PAGE1: variants seen among roughly 807,000 people sequenced by gnomAD.
PAGE1 encodes the protein PAGE family member 1, also known as P antigen family member 1.
Under a neutral mutation model 11.5 loss-of-function variants are expected in PAGE1, and 6 were observed. The ratio of observed to expected loss-of-function variants is 0.52; its 90% CI spans 0.29 to 1.03. PAGE1 has a LOEUF of 1.03. PAGE1 is among the 50% of genes least tolerant of loss of function. The pLI is 0.09. For synonymous variants in PAGE1, 42 were observed against 40.2 expected, an observed-to-expected ratio of 1.05 and a Z score of -0.17; for missense variants, 120 against 110.2, an observed-to-expected ratio of 1.09 and a Z score of -0.40.
At chrX:49,687,602 A>C (rs1299651011) in intron 5 of PAGE1, 39 bp from the exon 6 acceptor site, 1 of 1,166,244 alleles carries the variant, frequency 8.6e-7, no homozygotes, top group Non-Finnish European at 1.2e-6. Flanking sequence ...ATGATTTAGC[A>C]GCAGATTATT....
intron 4 of PAGE1, among the ~76,000 whole-genome samples, chrX:49,690,069 ACATATATATGTGTATATATGTG>A (rs2066912566): frequency 2.8e-5 from 2 of 71,054 alleles, no homozygotes; most frequent in African/African-American, 1.1e-4. Context: ...GTATATACAC[ACATATATATGTGTATATATGTG>A]TATATATGTG....
rs2066919397 is a variant in PAGE1 at position 49,691,267 on chromosome X, T to A, written c.274A>T (p.Met92Leu). 8.3e-7 allele frequency: 1 copy of A among 1,210,985 alleles called. No individual in the cohort carries two copies. Among genetic ancestry groups the A allele is most frequent in the Non-Finnish European group, 1.1e-6 (1 of 894,912 alleles). The change falls in exon 4 of 6, where the codon ATG (methionine) becomes TTG (leucine). Residue 92 changes from methionine to leucine, a missense_variant. Transcript: ENST00000376150. ...KRVCLRNEEQ[M>L]KLPAEGPEPE... ...TACCTACCTTCTGCGGGCAGTTTCA[T>A]CTGCTCTTCATTTCGCAGGCACACC...
rs781833593 is a variant in PAGE1, at chrX:49,692,783, A to ATTATTTATTTATTTATTTATTTAT, written c.166+1315_166+1316insATAAATAAATAAATAAATAAATAA. On this transcript the variant is annotated intron_variant, in intron 3 of 5. Coordinates refer to ENST00000376150, the MANE Select transcript of PAGE1 (RefSeq NM_003785.4). ...TGTTTTCCTATATAACGAAACATTT[A>ATTATTTATTTATTTATTTATTTAT]TTATTTATTTATTTATTTATTTGCG... Among the ~76,000 whole-genome samples the ATTATTTATTTATTTATTTATTTAT allele has an allele frequency of 1.7e-4, 19 of 109,638 alleles. No individual in the cohort carries two copies. In the South Asian group the frequency reaches 4.6e-3, roughly 27 times the overall value.
intron 1 of PAGE1, among the ~76,000 whole-genome samples, chrX:49,695,258 G>C (rs1474875287): frequency 1.8e-5 from 2 of 112,297 alleles, no homozygotes; most frequent in Non-Finnish European, 3.8e-5. Context: ...TGCTGCTTTT[G>C]GCACACTCCC....
At position 49,687,583 on chromosome X, in the gene PAGE1, G is replaced by A. The variant is rs1371148699; in HGVS notation, c.419-20C>T. On this transcript the variant is annotated intron_variant, in intron 5 of 5. Coordinates refer to ENST00000376150, the MANE Select transcript of PAGE1 (RefSeq NM_003785.4). ...CTTCATCTGTAACAGAAACATAACT[G>A]TTAGGAAGATGATTTAGCAGCAGAT... is the stretch of plus-strand genomic sequence containing the variant. 3.4e-6 allele frequency: 4 copies of A among 1,185,933 alleles called. No individual in the cohort carries two copies. The highest frequency in any genetic ancestry group is 1.8e-5 in the South Asian group (1 of 54,253).
chrX:49,694,757 C>T lies in PAGE1; in HGVS notation c.14G>A (p.Arg5Lys). 8.4e-7 allele frequency: 1 copy of T among 1,184,974 alleles called. No homozygotes were observed. The highest frequency in any genetic ancestry group is 3.0e-5 in the East Asian group (1 of 33,667). ...TGGTCTACGCCGATAGATTAATCTT[C>T]TTAGAAAACCCATATTTCACACTGA... The part of the protein sequence containing the change: MGFL[R>K]RLIYRRRPMI... Residue 5 changes from arginine (R) to lysine (K), a missense_variant, in exon 2 of 6, where the codon AGA becomes AAA. Transcript: ENST00000376150.
rs373848244 is a variant in PAGE1 at position 49,694,118 on chromosome X, C to T, written c.147G>A (p.Glu49=). ...CTTCACCTTGAGCTGCAGATGCTCC[C>T]TCATCCTCTCTCTCTTCAGCAGGTG... ...DSTPAEERED[E]GASAAQGQEP... The change falls in exon 3 of 6, where the codon GAG becomes GAA. Residue 49 remains glutamate, a synonymous_variant. Coordinates refer to ENST00000376150, the MANE Select transcript of PAGE1 (RefSeq NM_003785.4). The T allele has an allele frequency of 5.9e-6, 7 of 1,190,652 alleles. No individual in the cohort carries two copies. The highest frequency in any genetic ancestry group is 6.0e-5 in the East Asian group (2 of 33,509).
chrX:49,694,319 A>G (rs2066932833), intron 2 of PAGE1, 118 bp from the exon 3 acceptor site: 2 of 441,822 alleles, frequency 4.5e-6, no homozygotes, highest in Non-Finnish European at 7.9e-6. Flanking sequence ...GATCATAACT[A>G]AACCTAAAAA....
chrX:49,690,101 GTATATATACACA>G (rs1446576068), intron 4 of PAGE1, among the ~76,000 whole-genome samples: 2 of 64,533 alleles, frequency 3.1e-5, no homozygotes, highest in Non-Finnish European at 5.3e-5. Context: ...GTATATATGT[GTATATATACACA>G]TATATATGTG....
At position 49,689,826 on chromosome X, in the gene PAGE1, G is replaced by A. The variant is rs782057932; in HGVS notation, c.293-283C>T. On this transcript the variant is annotated intron_variant, in intron 4 of 5. Coordinates refer to ENST00000376150, the MANE Select transcript of PAGE1 (RefSeq NM_003785.4). ...TATATGTGTATATACACACATATATGTGTATATATGTGTGTATATACACAC... is the reference window on the plus strand; with the variant it reads ...TATATGTGTATATACACACATATATATGTATATATGTGTGTATATACACAC... 2.3e-4 allele frequency among the ~76,000 whole-genome samples: 13 copies of A among 55,714 alleles called. 1 individual carries two copies. Among genetic ancestry groups the A allele is most frequent in the East Asian group, 7.1e-4 (1 of 1,399 alleles). 48.4% of individuals were successfully genotyped at this position (55,714 alleles called of 115,157 possible).
At chrX:49,695,178 G>A (rs1483393848) in intron 1 of PAGE1, among the ~76,000 whole-genome samples, 1 of 112,435 alleles carries the variant, frequency 8.9e-6, no homozygotes, top group East Asian at 2.8e-4. Context: ...GACAGAGGAC[G>A]TTTCTGATGA....
At position 49,689,839 on chromosome X, in the gene PAGE1, TGTATATACACAC is replaced by T. The variant is rs1557141830; in HGVS notation, c.293-308_293-297del. On this transcript the variant is annotated intron_variant, in intron 4 of 5. Transcript: ENST00000376150. ...ACACACATATATGTGTATATATGTG[TGTATATACACAC>T]ATATATAGGTGTGTATATATGTGTA... is the stretch of plus-strand genomic sequence containing the variant. 1.8e-3 allele frequency among the ~76,000 whole-genome samples: 102 copies of T among 57,322 alleles called. 13 individuals are homozygous for T. Among genetic ancestry groups the T allele is most frequent in the African/African-American group, 8.8e-3 (97 of 11,070 alleles). The allele number at this position is 57,322 out of a possible 115,157, so 49.8% of individuals were successfully genotyped here. A position where few individuals can be genotyped will look rare whatever the true frequency, so the allele number is the denominator to read the frequency against.
intron 3 of PAGE1, among the ~76,000 whole-genome samples, chrX:49,692,006 G>A (rs2066922244): frequency 9.0e-6 from 1 of 110,776 alleles, no homozygotes; most frequent in Non-Finnish European, 1.9e-5. Context: ...AATTAGGCAG[G>A]TGCGGTGGCC....
At chrX:49,689,362 A>G in intron 5 of PAGE1, 56 bp downstream of exon 5, 2 of 981,416 alleles carry the variant, frequency 2.0e-6, no homozygotes, top group Middle Eastern at 3.0e-4. Context: ...AATTATTATA[A>G]TATGATACTG....
rs2066896946 is a variant in PAGE1 at position 49,689,558 on chromosome X, A to AT, written c.293-16_293-15insA. The AT allele has an allele frequency of 5.6e-6, 1 of 178,117 alleles. No homozygotes were observed. The highest frequency in any genetic ancestry group is 1.2e-4 in the African/African-American group (1 of 8,641). 14.7% of individuals were successfully genotyped at this position (178,117 alleles called of 1,213,427 possible). The stretch of plus-strand genomic sequence containing the variant: ...AGGCTCTGGCCCTTAAAAAAAAAAA[A>AT]AAAAAAAAAAAAAAAAAATATATAT... On this transcript the variant is annotated splice_polypyrimidine_tract_variant and intron_variant, in intron 4 of 5. Coordinates refer to ENST00000376150, the MANE Select transcript of PAGE1 (RefSeq NM_003785.4).
At chrX:49,689,270 G>T in intron 5 of PAGE1, 148 bp downstream of exon 5, 1 of 596,798 alleles carries the variant, frequency 1.7e-6, no homozygotes, top group Non-Finnish European at 2.1e-6. Context: ...GAACTTGGGA[G>T]GCAGAAGCTC....
intron 5 of PAGE1, among the ~76,000 whole-genome samples, 197 bp downstream of exon 5, chrX:49,689,221 A>G: frequency 9.2e-6 from 1 of 108,751 alleles, no homozygotes; most frequent in African/African-American, 3.3e-5. Context: ...CACGCCTGTA[A>G]TCCCAGCTAC....
chrX:49,695,633 T>C (rs1557142762), intron 1 of PAGE1, among the ~76,000 whole-genome samples: 1 of 111,575 alleles, frequency 9.0e-6, no homozygotes, highest in Non-Finnish European at 1.9e-5. Flanking sequence ...CCTGACCGCT[T>C]CCCCTTCATG....
chrX:49,690,099 GTGTATATATACACATATATA>G (rs2066913709), intron 4 of PAGE1, among the ~76,000 whole-genome samples: 2 of 63,727 alleles, frequency 3.1e-5, no homozygotes, highest in African/African-American at 1.6e-4. Context: ...GTGTATATAT[GTGTATATATACACATATATA>G]TGTGTATATA....
Sources: gnomAD v4.1 joint callset for allele counts (sites outside exome capture counted in the v4.1 genomes callset) on GRCh38, gnomAD v4.1.1 for gene constraint, MANE v1.5 for transcripts, NCBI Gene and HGNC (gene_info 2026-07-23, HGNC 2026-07-21) for gene names.